The following CELF6 variants were observed in gnomAD, a reference collection of about 807,000 sequenced individuals.
The protein encoded by CELF6 is CUGBP Elav-like family member 6.
A neutral mutation model predicts 53.1 loss-of-function variants in CELF6; 32 were observed. That is an observed-to-expected ratio of 0.60 (90% CI 0.46 to 0.81). The LOEUF (loss-of-function observed/expected upper bound fraction) is 0.81, where lower values mean the gene tolerates loss of function less well. Ranked by LOEUF, CELF6 falls within the 30% of genes least tolerant of loss-of-function variation. CELF6 has a pLI of 0.00. For missense variants in CELF6, 539 were observed against 669.5 expected, an observed-to-expected ratio of 0.81 and a Z score of 2.15; for synonymous variants, 291 against 288.8, an observed-to-expected ratio of 1.01 and a Z score of -0.08.
intron 2 of CELF6, among the ~76,000 whole-genome samples, chr15:72,308,330 C>T (rs1351315258): frequency 6.6e-6 from 1 of 152,116 alleles, no homozygotes; most frequent in Non-Finnish European, 1.5e-5. Context: ...CCAATTCAAG[C>T]AAGTCTCCTG....
At position 72,319,739 on chromosome 15, in the gene CELF6, T is replaced by C; in HGVS notation, c.136A>G (p.Ile46Val). ...PAVPMKDHDAIKLFVGQIPRG... is the reference protein window; with the variant it reads ...PAVPMKDHDAVKLFVGQIPRG... Reference sequence around the variant, plus strand: ...GGGATCTGCCCCACGAAGAGCTTGATGGCGTCGTGGTCCTTCATGGGTACG... The same window carrying C: ...GGGATCTGCCCCACGAAGAGCTTGACGGCGTCGTGGTCCTTCATGGGTACG... The change falls in exon 1 of 13, where the codon ATC becomes GTC. Residue 46 changes from isoleucine (I) to valine (V), a missense_variant. Ile to Val is a conservative substitution (Grantham distance 29). Around this residue, in one of 3 missense-constraint regions of CELF6, gnomAD observed 84 missense variants for 87.9 expected, o/e 0.96. Coordinates refer to ENST00000287202, the MANE Select transcript of CELF6 (RefSeq NM_052840.5). The surrounding 1 kb of genome is among the most constrained non-coding windows in gnomAD (Gnocchi z 5.0). 1.2e-6 allele frequency: 2 copies of C among 1,601,770 alleles called. No homozygotes were observed. Among genetic ancestry groups the C allele is most frequent in the Non-Finnish European group, 8.5e-7 (1 of 1,174,004 alleles).
At chr15:72,313,841 T>G in intron 2 of CELF6, 1 of 548,172 alleles carries the variant, frequency 1.8e-6, no homozygotes, top group African/African-American at 2.0e-5. Flanking sequence ...CTATCACTAC[T>G]ACCACCAGCT....
At chr15:72,318,359 C>G (rs976234095) in intron 1 of CELF6, among the ~76,000 whole-genome samples, 2 of 152,178 alleles carry the variant, frequency 1.3e-5, no homozygotes, top group Non-Finnish European at 2.9e-5. Flanking sequence ...GATTCCAGCT[C>G]TCAGTCCTTA....
At chr15:72,308,670 G>A (rs2088260724) in intron 2 of CELF6, among the ~76,000 whole-genome samples, 1 of 152,070 alleles carries the variant, frequency 6.6e-6, no homozygotes, top group Non-Finnish European at 1.5e-5. Flanking sequence ...TCCAGGGGAG[G>A]GAAGGATTTT....
rs1437497879 is a variant in CELF6 at position 72,301,261 on chromosome 15, T to C, written c.394+3485A>G. 2.6e-5 allele frequency among the ~76,000 whole-genome samples: 4 copies of C among 152,296 alleles called. No homozygotes were observed. The East Asian group carries it at 5.8e-4, about 22-fold the overall frequency. Reference sequence around the variant, plus strand: ...CTCCCGCCTTGGCCTCCTAAAGTGCTGGGATTACAGGCACCAGCCCACATG... The same window carrying C: ...CTCCCGCCTTGGCCTCCTAAAGTGCCGGGATTACAGGCACCAGCCCACATG... On this transcript the variant is annotated intron_variant, in intron 3 of 12. Coordinates refer to ENST00000287202, the MANE Select transcript of CELF6 (RefSeq NM_052840.5).
chr15:72,310,656 T>A (rs28435418), intron 2 of CELF6, among the ~76,000 whole-genome samples: 24,578 of 151,350 alleles, frequency 0.16, 5,773 homozygotes, highest in African/African-American at 0.52. Context: ...ACCTGGCTAA[T>A]TTTTAAAAAA....
chr15:72,319,601 G>T lies in CELF6; in HGVS notation c.262+12C>A. ...GATTGGGGCTGGGCTGGGCTGGGCTGACCCCGCGCACCTTTGTGGAGGCCG... is the reference window on the plus strand; with the variant it reads ...GATTGGGGCTGGGCTGGGCTGGGCTTACCCCGCGCACCTTTGTGGAGGCCG... On this transcript the variant is annotated intron_variant, in intron 1 of 12. Transcript: ENST00000287202. This position sits in a 1 kb window ranked among gnomAD's most constrained non-coding sequence, Gnocchi z 5.0. 1 of 1,537,020 alleles carries T rather than the reference G, an allele frequency of 6.5e-7. No homozygotes were observed. The highest frequency in any genetic ancestry group is 8.8e-7 in the Non-Finnish European group (1 of 1,138,276).
At chr15:72,305,609 G>A (rs1181932059) in intron 2 of CELF6, among the ~76,000 whole-genome samples, 2 of 152,144 alleles carry the variant, frequency 1.3e-5, no homozygotes, top group Non-Finnish European at 2.9e-5. Context: ...CCTTCCCTGA[G>A]GATGCTGGAG....
At chr15:72,305,047 A>G (rs2088208699) in intron 2 of CELF6, among the ~76,000 whole-genome samples, 1 of 152,180 alleles carries the variant, frequency 6.6e-6, no homozygotes, top group Non-Finnish European at 1.5e-5. Flanking sequence ...GAAGCGGCTA[A>G]AGAGACTTTT....
At chr15:72,309,778 G>C (rs1341906840) in intron 2 of CELF6, among the ~76,000 whole-genome samples, 2 of 152,184 alleles carry the variant, frequency 1.3e-5, no homozygotes, top group African/African-American at 4.8e-5. Flanking sequence ...CCCCCTTGAG[G>C]AAAAGAGGAC....
In CELF6 at chr15:72,309,015, C is replaced by T. The variant is rs553163752; in HGVS notation, c.346-4221G>A. ...TGCAAACTCCAAATCTTGGGCTAAG[C>T]GATTATTCTACTTCAGCCTCTCAAA... On this transcript the variant is annotated intron_variant, in intron 2 of 12. Transcript: ENST00000287202. Among the ~76,000 whole-genome samples, 14 of 152,260 alleles carry T rather than the reference C, an allele frequency of 9.2e-5. No homozygotes were observed. The East Asian group carries it at 2.7e-3, about 29-fold the overall frequency.
chr15:72,301,606 C>A (rs1357303324), intron 3 of CELF6, among the ~76,000 whole-genome samples: 1 of 152,088 alleles, frequency 6.6e-6, no homozygotes, highest in Non-Finnish European at 1.5e-5. Flanking sequence ...GTGTGTGTGA[C>A]CATTGACTCT....
rs1418236071 is a variant in CELF6 at position 72,319,569 on chromosome 15, C to G, written c.262+44G>C. 5 of 1,480,154 alleles carry G rather than the reference C, an allele frequency of 3.4e-6. No homozygotes were observed. Among genetic ancestry groups the G allele is most frequent in the Non-Finnish European group, 4.5e-6 (5 of 1,105,664 alleles). 91.7% of individuals were successfully genotyped at this position (1,480,154 alleles called of 1,614,324 possible). A position where few individuals can be genotyped will look rare whatever the true frequency, so the allele number is the denominator to read the frequency against. On this transcript the variant is annotated intron_variant, in intron 1 of 12. Transcript: ENST00000287202. The surrounding 1 kb of genome is among the most constrained non-coding windows in gnomAD (Gnocchi z 5.0). ...GGCTGGGCTGGGGTCGGGCCACACT[C>G]TAATCGGATTGGGGCTGGGCTGGGC... is the stretch of plus-strand genomic sequence containing the variant.
At chr15:72,294,131 A>G (rs1454983626) in intron 3 of CELF6, among the ~76,000 whole-genome samples, 1 of 152,234 alleles carries the variant, frequency 6.6e-6, no homozygotes, top group Non-Finnish European at 1.5e-5. Flanking sequence ...CAGTAATCAT[A>G]GCAGAATCAA....
chr15:72,290,717 A>G (rs1010754603), intron 3 of CELF6, among the ~76,000 whole-genome samples: 6 of 152,198 alleles, frequency 3.9e-5, no homozygotes, highest in Non-Finnish European at 8.8e-5. Flanking sequence ...TCAGCCTGAT[A>G]GTGCTGGCTA....
At chr15:72,294,613 A>C (rs1245786633) in intron 3 of CELF6, among the ~76,000 whole-genome samples, 1 of 152,238 alleles carries the variant, frequency 6.6e-6, no homozygotes, top group East Asian at 1.9e-4. Flanking sequence ...AAGTTGCAAG[A>C]AATAAAATTG....
chr15:72,303,230 A>T (rs12914971), intron 3 of CELF6, among the ~76,000 whole-genome samples: 113,768 of 152,184 alleles, frequency 0.75, 48,511 homozygotes, highest in Non-Finnish European at 0.94. Flanking sequence ...AGAGGCAGAA[A>T]TTCTTGGGTT....
intron 2 of CELF6, chr15:72,306,327 C>T: frequency 1.0e-6 from 1 of 984,664 alleles, no homozygotes; most frequent in Non-Finnish European, 1.2e-6. Context: ...CCCATCTGGC[C>T]TGAGAAGGTG....
intron 2 of CELF6, chr15:72,306,031 T>C: frequency 1.0e-6 from 1 of 963,448 alleles, no homozygotes; most frequent in Non-Finnish European, 1.2e-6. Flanking sequence ...GGCTCTTAAG[T>C]TGGGGTATTG....
Sources: gnomAD v4.1 joint callset for allele counts (sites outside exome capture counted in the v4.1 genomes callset) on GRCh38, gnomAD v4.1.1 for gene constraint, gnomAD v4.1.1 regional missense constraint, Gnocchi (gnomAD v3.1) non-coding constraint, MANE v1.5 for transcripts, NCBI Gene and HGNC (gene_info 2026-07-23, HGNC 2026-07-21) for gene names.